Variants in SLIT1 observed in about 807,000 individuals in gnomAD.
The protein encoded by SLIT1 is slit homolog 1 protein.
Under a neutral mutation model 186.1 loss-of-function variants are expected in SLIT1, and 66 were observed. The ratio of observed to expected loss-of-function variants is 0.35; its 90% CI spans 0.29 to 0.44. SLIT1 has a LOEUF of 0.44. SLIT1 is among the 20% of genes least tolerant of loss of function. The pLI is 1.00. For synonymous variants in SLIT1, 761 were observed against 833.8 expected (o/e 0.91, Z 1.50); for missense variants, 1,638 against 2,037.4 (o/e 0.80, Z 3.77).
chr10:97,164,268 C>T (rs982193968), intron 2 of SLIT1, among the ~76,000 whole-genome samples: 1 of 111,948 alleles, frequency 8.9e-6, no homozygotes, highest in Non-Finnish European at 1.9e-5. Flanking sequence ...CCTCAGATGA[C>T]GTTGGGGGCA....
chr10:97,040,768 CATT>C (rs1327620085), intron 20 of SLIT1, among the ~76,000 whole-genome samples: 2 of 152,206 alleles, frequency 1.3e-5, no homozygotes, highest in Admixed American at 1.3e-4. Flanking sequence ...ACCATCCCTT[CATT>C]GATTCATTCA....
chr10:97,126,628 C>G (rs565702393), intron 4 of SLIT1, among the ~76,000 whole-genome samples: 3 of 152,348 alleles, frequency 2.0e-5, no homozygotes, highest in African/African-American at 7.2e-5. Flanking sequence ...GATTCCAACA[C>G]CAGCCCATAA....
At chr10:97,035,025 G>A (rs574165620) in intron 22 of SLIT1, among the ~76,000 whole-genome samples, 4 of 152,298 alleles carry the variant, frequency 2.6e-5, no homozygotes, top group East Asian at 3.9e-4. Context: ...CCAGCTGGTC[G>A]GAGGCAGAGC....
At chr10:97,037,810 G>A in intron 21 of SLIT1, 44 bp from the exon 22 acceptor site, 1 of 1,535,686 alleles carries the variant, frequency 6.5e-7, no homozygotes, top group Non-Finnish European at 9.0e-7. Context: ...CTCCACCTCT[G>A]GTGGTGCCCC....
intron 25 of SLIT1, among the ~76,000 whole-genome samples, chr10:97,026,616 T>C (rs1228061657): frequency 1.3e-5 from 2 of 152,240 alleles, no homozygotes; most frequent in African/African-American, 2.4e-5. Context: ...CATTTGGACA[T>C]CTAGCTTTCC....
At chr10:97,151,865 C>A (rs1849884316) in intron 4 of SLIT1, among the ~76,000 whole-genome samples, 1 of 152,118 alleles carries the variant, frequency 6.6e-6, no homozygotes, top group African/African-American at 2.4e-5. Flanking sequence ...TCCCTGAGAC[C>A]TTTCATGAGG....
At chr10:97,049,241 T>C in intron 13 of SLIT1, 123 bp from the exon 14 acceptor site, 4 of 1,149,054 alleles carry the variant, frequency 3.5e-6, no homozygotes, top group Non-Finnish European at 3.6e-6. Context: ...GAGCCTAGGG[T>C]CAGCCACGGG....
At chr10:97,060,484 A>C (rs1403911598) in intron 9 of SLIT1, among the ~76,000 whole-genome samples, 156 bp downstream of exon 9, 1 of 152,190 alleles carries the variant, frequency 6.6e-6, no homozygotes, top group Admixed American at 6.5e-5. Context: ...CCTGGACACA[A>C]AGCTCAGCCC....
chr10:97,130,063 A>G lies in SLIT1; in HGVS notation c.413+27755T>C, dbSNP rs544010975. 2.6e-5 allele frequency among the ~76,000 whole-genome samples: 4 copies of G among 152,360 alleles called. No homozygotes were observed. The South Asian group carries it at 6.2e-4, about 24-fold the overall frequency. On this transcript the variant is annotated intron_variant, in intron 4 of 36. Coordinates refer to ENST00000266058, the MANE Select transcript of SLIT1 (RefSeq NM_003061.3). ...CTGGCAGGGCAGCCTCTCCGCCGCC[A>G]GGAACAGGAGCCAAGTTCAGGGAAA...
At position 97,021,530 on chromosome 10, in the gene SLIT1, A is replaced by G. The variant is rs906877106; in HGVS notation, c.2583-117T>C. On this transcript the variant is annotated intron_variant, in intron 25 of 36. Coordinates refer to ENST00000266058, the MANE Select transcript of SLIT1 (RefSeq NM_003061.3). This position sits in a 1 kb window ranked among gnomAD's most constrained non-coding sequence, Gnocchi z 4.5. ...TGGCAAAAATCTTAGCCTCCATTTC[A>G]TGAGCATTTACTGTATAGTCAGTGC... The G allele has an allele frequency of 1.1e-5, 9 of 855,052 alleles. No homozygotes were observed. The highest frequency in any genetic ancestry group is 1.8e-5 in the South Asian group (1 of 54,640). The allele number at this position is 855,052 out of a possible 1,614,324, so 53.0% of individuals were successfully genotyped here.
intron 4 of SLIT1, among the ~76,000 whole-genome samples, chr10:97,070,557 G>A (rs1291408481): frequency 1.3e-5 from 2 of 152,324 alleles, no homozygotes; most frequent in East Asian, 3.9e-4. Flanking sequence ...CAATGTGATG[G>A]TATTAGGAGG....
chr10:97,075,795 C>A (rs927174336), intron 4 of SLIT1, among the ~76,000 whole-genome samples: 2 of 152,174 alleles, frequency 1.3e-5, no homozygotes, highest in South Asian at 4.1e-4. Flanking sequence ...CAGGTGCACA[C>A]TGAAGTCTGA....
chr10:97,059,686 C>T, intron 10 of SLIT1, 155 bp from the exon 11 acceptor site: 3 of 673,832 alleles, frequency 4.5e-6, no homozygotes, highest in Non-Finnish European at 8.1e-6. Flanking sequence ...ATTTGAAAAG[C>T]CCATGGCCGC....
chr10:97,151,799 G>A (rs2784922), intron 4 of SLIT1, among the ~76,000 whole-genome samples: 90,151 of 151,956 alleles, frequency 0.59, 29,570 homozygotes, highest in Admixed American at 0.74. Flanking sequence ...TGCTCAGCAT[G>A]AGCCTGGCAC....
At chr10:97,040,740 C>G (rs1488772573) in intron 20 of SLIT1, among the ~76,000 whole-genome samples, 1 of 152,184 alleles carries the variant, frequency 6.6e-6, no homozygotes, top group Admixed American at 6.5e-5. Context: ...GCCGCAAAAT[C>G]CGAGCCCTCG....
chr10:97,185,436 C>A, intron 1 of SLIT1, 42 bp downstream of exon 1: 1 of 1,586,524 alleles, frequency 6.3e-7, no homozygotes, highest in Non-Finnish European at 8.6e-7. Context: ...GGTGGGAGGG[C>A]AACCTCGGAG....
At chr10:97,056,160 C>A (rs902637510) in intron 13 of SLIT1, among the ~76,000 whole-genome samples, 161 bp downstream of exon 13, 1 of 152,202 alleles carries the variant, frequency 6.6e-6, no homozygotes, top group Non-Finnish European at 1.5e-5. Flanking sequence ...GGACTTTGAA[C>A]CTAGGACGGT....
At chr10:97,032,315 TCCCAG>T (rs1227588187) in intron 23 of SLIT1, among the ~76,000 whole-genome samples, 1 of 152,128 alleles carries the variant, frequency 6.6e-6, no homozygotes, top group African/African-American at 2.4e-5. Context: ...ACTCTTGTAA[TCCCAG>T]CACTTTGGGA....
At chr10:97,168,929 G>A (rs1850152743) in intron 1 of SLIT1, among the ~76,000 whole-genome samples, 1 of 152,160 alleles carries the variant, frequency 6.6e-6, no homozygotes, top group African/African-American at 2.4e-5. Flanking sequence ...CCCTGAGGAT[G>A]GAATTCCCAC....
Sources: gnomAD v4.1 joint callset for allele counts (sites outside exome capture counted in the v4.1 genomes callset) on GRCh38, gnomAD v4.1.1 for gene constraint, Gnocchi (gnomAD v3.1) non-coding constraint, MANE v1.5 for transcripts, NCBI Gene and HGNC (gene_info 2026-07-23, HGNC 2026-07-21) for gene names.